The following RBM47 variants were observed in gnomAD, a reference collection of about 807,000 sequenced individuals.
The protein encoded by RBM47 is RNA-binding protein 47.
A neutral mutation model predicts 47.1 loss-of-function variants in RBM47; 21 were observed. The observed-to-expected ratio is 0.45, with a 90% CI of 0.32 to 0.64. The LOEUF (loss-of-function observed/expected upper bound fraction) is 0.64, where lower values mean the gene tolerates loss of function less well. RBM47 is among the 30% of genes least tolerant of loss of function. The pLI is 0.05. For missense variants in RBM47, 708 were observed against 870.9 expected (o/e 0.81, Z 2.35); for synonymous variants, 375 against 361.7 (o/e 1.04, Z -0.42).
At chr4:40,511,985 C>T (rs1446768305) in intron 2 of RBM47, among the ~76,000 whole-genome samples, 2 of 150,860 alleles carry the variant, frequency 1.3e-5, no homozygotes, top group Non-Finnish European at 3.0e-5. Context: ...AAAGATTGTA[C>T]CGAATATGGA....
intron 5 of RBM47, 49 bp downstream of exon 5, chr4:40,436,392 G>T: frequency 1.3e-6 from 2 of 1,550,554 alleles, no homozygotes; most frequent in Non-Finnish European, 1.8e-6. Context: ...AAACAGAAGG[G>T]CTGGGGTTTA....
chr4:40,529,724 G>C (rs1403667646), intron 2 of RBM47, among the ~76,000 whole-genome samples: 1 of 149,428 alleles, frequency 6.7e-6, no homozygotes, highest in Non-Finnish European at 1.5e-5. Context: ...AGCTACTTGG[G>C]AGGCTGAAAC....
chr4:40,447,254 TCA>T (rs1381459080), intron 3 of RBM47, among the ~76,000 whole-genome samples: 3 of 152,224 alleles, frequency 2.0e-5, no homozygotes, highest in Non-Finnish European at 2.9e-5. Context: ...AATCATTTAC[TCA>T]CAGTTTTGTA....
At chr4:40,536,456 T>C (rs1727990861) in intron 2 of RBM47, among the ~76,000 whole-genome samples, 1 of 152,198 alleles carries the variant, frequency 6.6e-6, no homozygotes. Flanking sequence ...CCTTGGAGTA[T>C]TCTCTTTGCT....
rs965295536 is a variant in RBM47, at chr4:40,529,853, T to C, written c.-155+14569A>G. ...AAAAAATAATAAATAAATAAATAAA[T>C]AAATAAATAAATAAATAAATAAATA... On this transcript the variant is annotated intron_variant, in intron 2 of 6. Coordinates refer to ENST00000295971, the MANE Select transcript of RBM47 (RefSeq NM_001098634.2). Among the ~76,000 whole-genome samples, 45 of 137,330 alleles carry C rather than the reference T, an allele frequency of 3.3e-4. No individual in the cohort carries two copies. In the East Asian group the frequency reaches 5.7e-3, roughly 17 times the overall value. 90.1% of individuals were successfully genotyped at this position (137,330 alleles called of 152,430 possible). A position where few individuals can be genotyped will look rare whatever the true frequency, so the allele number is the denominator to read the frequency against.
chr4:40,455,880 G>C (rs1440538017), intron 3 of RBM47, among the ~76,000 whole-genome samples: 1 of 152,210 alleles, frequency 6.6e-6, no homozygotes, highest in African/African-American at 2.4e-5. Flanking sequence ...GTAGACAACT[G>C]TGTAGTCACA....
intron 2 of RBM47, among the ~76,000 whole-genome samples, chr4:40,482,500 T>C (rs964689215): frequency 6.6e-6 from 1 of 152,194 alleles, no homozygotes; most frequent in Non-Finnish European, 1.5e-5. Context: ...GTAATCCACC[T>C]GCCTCTGCTT....
chr4:40,563,536 G>A (rs901207840), intron 1 of RBM47, among the ~76,000 whole-genome samples: 2 of 152,314 alleles, frequency 1.3e-5, no homozygotes, highest in African/African-American at 4.8e-5. Flanking sequence ...TAAGAAACCT[G>A]AGATTCAGAG....
chr4:40,520,607 G>T (rs984469761), intron 2 of RBM47, among the ~76,000 whole-genome samples: 1 of 152,218 alleles, frequency 6.6e-6, no homozygotes, highest in Non-Finnish European at 1.5e-5. Flanking sequence ...GAGAGGTAGA[G>T]ATTTAATCTG....
chr4:40,585,392 T>C (rs1244236298), intron 1 of RBM47, among the ~76,000 whole-genome samples: 3 of 152,152 alleles, frequency 2.0e-5, no homozygotes, highest in African/African-American at 7.2e-5. Flanking sequence ...CTTTCAATCA[T>C]CAAGAACTAT....
chr4:40,425,184 T>A lies in RBM47; in HGVS notation c.*720A>T, dbSNP rs1330722081. ...GTTTAAGGCTAAGGCACATGGAGAA[T>A]GAGCCCCGGCTAACGGTGGCAAAGG... On this transcript the variant is annotated 3_prime_UTR_variant, in exon 7 of 7. Transcript: ENST00000295971. The A allele has an allele frequency of 6.6e-6, 1 of 152,668 alleles. No homozygotes were observed. Among genetic ancestry groups the A allele is most frequent in the African/African-American group, 2.4e-5 (1 of 41,462 alleles). The allele number at this position is 152,668 out of a possible 1,614,324, so 9.5% of individuals were successfully genotyped here.
At chr4:40,532,930 A>G (rs1056049333) in intron 2 of RBM47, among the ~76,000 whole-genome samples, 5 of 152,090 alleles carry the variant, frequency 3.3e-5, no homozygotes, top group Admixed American at 2.0e-4. Flanking sequence ...TAAACTTTCT[A>G]TTCTGAGCAG....
chr4:40,481,458 T>C (rs1414683994), intron 2 of RBM47, among the ~76,000 whole-genome samples: 5 of 112,518 alleles, frequency 4.4e-5, no homozygotes, highest in Admixed American at 1.8e-4. Flanking sequence ...TTATTATTAT[T>C]ATTATTATTA....
intron 1 of RBM47, among the ~76,000 whole-genome samples, chr4:40,587,809 G>A (rs1481370579): frequency 6.6e-6 from 1 of 152,184 alleles, no homozygotes; most frequent in Non-Finnish European, 1.5e-5. Context: ...TAGTAATGCT[G>A]ACATGCTGGT....
intron 3 of RBM47, among the ~76,000 whole-genome samples, chr4:40,445,199 G>A (rs950812077): frequency 6.6e-6 from 1 of 150,530 alleles, no homozygotes; most frequent in Non-Finnish European, 1.5e-5. Flanking sequence ...GCGTGAGCCC[G>A]AGAGTCGGAG....
upstream of RBM47, chr4:40,630,672 C>G (rs1325484367): frequency 2.0e-5 from 3 of 152,216 alleles, no homozygotes; most frequent in African/African-American, 7.2e-5. Flanking sequence ...GCCAAGCCCT[C>G]GCTTCACCTT....
intron 1 of RBM47, among the ~76,000 whole-genome samples, chr4:40,601,382 G>A (rs1442748195): frequency 6.6e-6 from 1 of 152,084 alleles, no homozygotes; most frequent in African/African-American, 2.4e-5. Flanking sequence ...TACATTGGAT[G>A]GTGTGTCAAA....
chr4:40,554,739 C>A lies in RBM47; in HGVS notation c.-239-10233G>T, dbSNP rs139082566. Among the ~76,000 whole-genome samples, 375 of 151,498 alleles carry A rather than the reference C, an allele frequency of 2.5e-3. 2 individuals are homozygous for A. Among genetic ancestry groups the A allele is most frequent in the African/African-American group, 8.8e-3 (362 of 41,366 alleles). ...GCTCTAGTTCCTTCCTCCCTTCCCCCCATCTCTCTCTCCTTTCTTTCCCTC... is the reference window on the plus strand; with the variant it reads ...GCTCTAGTTCCTTCCTCCCTTCCCCACATCTCTCTCTCCTTTCTTTCCCTC... On this transcript the variant is annotated intron_variant, in intron 1 of 6. Coordinates refer to ENST00000295971, the MANE Select transcript of RBM47 (RefSeq NM_001098634.2).
chr4:40,620,466 T>C (rs1292258728), intron 1 of RBM47, among the ~76,000 whole-genome samples: 2 of 151,958 alleles, frequency 1.3e-5, no homozygotes, highest in African/African-American at 4.8e-5. Flanking sequence ...GATCATGCCA[T>C]GGCACTCCAG....
Sources: gnomAD v4.1 joint callset for allele counts (sites outside exome capture counted in the v4.1 genomes callset) on GRCh38, gnomAD v4.1.1 for gene constraint, MANE v1.5 for transcripts, NCBI Gene and HGNC (gene_info 2026-07-23, HGNC 2026-07-21) for gene names.